The following CC2D2B variants were observed in gnomAD, a reference collection of about 807,000 sequenced individuals.
CC2D2B encodes the protein protein CC2D2B.
Under a neutral mutation model 161.2 loss-of-function variants are expected in CC2D2B, and 128 were observed. The ratio of observed to expected loss-of-function variants is 0.79; its 90% CI spans 0.69 to 0.92. CC2D2B has a LOEUF of 0.92. Ranked by LOEUF, CC2D2B falls within the 40% of genes least tolerant of loss-of-function variation. CC2D2B has a pLI of 0.00. For missense variants in CC2D2B, 1,173 were observed against 1,375.1 expected (o/e 0.85, Z 2.32); for synonymous variants, 391 against 449.8 (o/e 0.87, Z 1.65).
In CC2D2B at chr10:96,033,145, T is replaced by C. The variant is rs1275615327; in HGVS notation, c.*1137T>C. ...GATAAAAGAACATTCACCTCTCCCA[T>C]TGAAGAACCACTGAGGTTTCTTGGT... On this transcript the variant is annotated 3_prime_UTR_variant, in exon 35 of 35. Transcript: ENST00000646931. Among the ~76,000 whole-genome samples, 2 of 152,174 alleles carry C rather than the reference T, an allele frequency of 1.3e-5. No homozygotes were observed. Among genetic ancestry groups the C allele is most frequent in the East Asian group, 1.9e-4 (1 of 5,198 alleles).
At chr10:95,957,080 CA>C (rs1442300635) in intron 11 of CC2D2B, among the ~76,000 whole-genome samples, 1 of 152,092 alleles carries the variant, frequency 6.6e-6, no homozygotes. Flanking sequence ...AGCACAGTAG[CA>C]GCTATCCCCC....
chr10:96,021,550 G>A (rs1156762525), intron 32 of CC2D2B: 2 of 152,188 alleles, frequency 1.3e-5, no homozygotes, highest in Admixed American at 1.3e-4. Context: ...GAGAATCACT[G>A]GCCAAGAGTC....
At chr10:95,996,283 TA>T (rs1346332218) in intron 24 of CC2D2B, 31 bp downstream of exon 24, 5 of 929,822 alleles carry the variant, frequency 5.4e-6, no homozygotes, top group Admixed American at 2.6e-5. Context: ...CCATAGCTCC[TA>T]AAAAAAGAGC....
chr10:95,929,811 T>C (rs2098546477), intron 6 of CC2D2B, among the ~76,000 whole-genome samples: 1 of 152,246 alleles, frequency 6.6e-6, no homozygotes, highest in Non-Finnish European at 1.5e-5. Context: ...TGTAGTATAG[T>C]TTGAAGTCAG....
At chr10:96,009,497 A>G (rs552261147) in intron 25 of CC2D2B, among the ~76,000 whole-genome samples, 6 of 152,350 alleles carry the variant, frequency 3.9e-5, no homozygotes, top group African/African-American at 1.4e-4. Flanking sequence ...TACATAATAC[A>G]GTACCACTTC....
At chr10:95,908,420 A>C (rs528418908) in intron 1 of CC2D2B, among the ~76,000 whole-genome samples, 4 of 152,360 alleles carry the variant, frequency 2.6e-5, no homozygotes, top group African/African-American at 9.6e-5. Context: ...AAAAATTCGC[A>C]TTATGAACTA....
intron 2 of CC2D2B, among the ~76,000 whole-genome samples, chr10:95,915,893 GTA>G (rs1459908830): frequency 4.6e-5 from 7 of 152,086 alleles, no homozygotes; most frequent in African/African-American, 1.7e-4. Context: ...TCTGGTTTTA[GTA>G]TCAGGGTAAT....
chr10:95,974,118 G>C lies in CC2D2B; in HGVS notation c.1905G>C (p.Leu635=). ...GCTTAGATGAAAATGGTCTTCCTCTGATACCTATGCCACAATCATTAAGAT... is the reference window on the plus strand; with the variant it reads ...GCTTAGATGAAAATGGTCTTCCTCTCATACCTATGCCACAATCATTAAGAT... ...SWSLDENGLP[L]IPMPQSLRSS... Residue 635 remains leucine, a synonymous_variant, in exon 17 of 35, where the codon CTG becomes CTC. Transcript: ENST00000646931. The C allele has an allele frequency of 8.1e-7, 1 of 1,230,778 alleles. No homozygotes were observed. Among genetic ancestry groups the C allele is most frequent in the Non-Finnish European group, 1.0e-6 (1 of 986,794 alleles). The allele number at this position is 1,230,778 out of a possible 1,614,324, so 76.2% of individuals were successfully genotyped here.
Position 95,966,229 on chromosome 10 carries a change from A to G in CC2D2B, c.1393A>G (p.Arg465Gly). ...YLASDETEIE[R>G]IKPITLRPQL... Reference sequence around the variant, plus strand: ...AGCTTCAGACGAAACAGAAATTGAAAGAATAAAGCCAATTACCTTGAGGCC... The same window carrying G: ...AGCTTCAGACGAAACAGAAATTGAAGGAATAAAGCCAATTACCTTGAGGCC... Residue 465 changes from arginine (R) to glycine (G), a missense_variant, in exon 14 of 35, where the codon AGA (arginine) becomes GGA (glycine). Physicochemically the swap from Arg to Gly is moderately radical, Grantham distance 125 (BLOSUM62 -2). Around this residue, in one of 3 missense-constraint regions of CC2D2B, gnomAD observed 277 missense variants for 420.6 expected, o/e 0.66. Coordinates refer to ENST00000646931, the MANE Select transcript of CC2D2B (RefSeq NM_001349008.3). The G allele has an allele frequency of 8.1e-7, 1 of 1,228,072 alleles. No individual in the cohort carries two copies. The highest frequency in any genetic ancestry group is 1.0e-6 in the Non-Finnish European group (1 of 984,546). 76.1% of individuals were successfully genotyped at this position (1,228,072 alleles called of 1,614,324 possible). A position where few individuals can be genotyped will look rare whatever the true frequency, so the allele number is the denominator to read the frequency against.
chr10:95,982,602 T>G (rs1428859647), intron 18 of CC2D2B, among the ~76,000 whole-genome samples: 1 of 152,214 alleles, frequency 6.6e-6, no homozygotes, highest in Non-Finnish European at 1.5e-5. Context: ...ATAGCGGTTA[T>G]CTTATTCACC....
intron 9 of CC2D2B, among the ~76,000 whole-genome samples, chr10:95,943,449 G>A (rs944306197): frequency 1.3e-5 from 2 of 152,042 alleles, no homozygotes; most frequent in Non-Finnish European, 2.9e-5. Flanking sequence ...CTGTCTAGTT[G>A]CTCTGCCTCT....
intron 6 of CC2D2B, among the ~76,000 whole-genome samples, chr10:95,929,959 G>A (rs1450664238): frequency 6.6e-6 from 1 of 152,146 alleles, no homozygotes; most frequent in African/African-American, 2.4e-5. Flanking sequence ...GATGGGGATA[G>A]CATTGAATCT....
In CC2D2B at chr10:96,012,175, A is replaced by G. The variant is rs1384466732; in HGVS notation, c.3046-10A>G. 2 of 670,858 alleles carry G rather than the reference A, an allele frequency of 3.0e-6. No individual in the cohort carries two copies. Among genetic ancestry groups the G allele is most frequent in the Non-Finnish European group, 2.7e-6 (1 of 366,752 alleles). The allele number at this position is 670,858 out of a possible 1,614,324, so 41.6% of individuals were successfully genotyped here. A position where few individuals can be genotyped will look rare whatever the true frequency, so the allele number is the denominator to read the frequency against. Reference sequence around the variant, plus strand: ...CATGCATAATCCATTATACTGATATACTCTTTCAGATTAGTGGAACATTTC... The same window carrying G: ...CATGCATAATCCATTATACTGATATGCTCTTTCAGATTAGTGGAACATTTC... On this transcript the variant is annotated splice_polypyrimidine_tract_variant and intron_variant, in intron 26 of 34. Coordinates refer to ENST00000646931, the MANE Select transcript of CC2D2B (RefSeq NM_001349008.3).
chr10:95,945,526 A>G (rs1270606782), intron 9 of CC2D2B, among the ~76,000 whole-genome samples: 1 of 152,164 alleles, frequency 6.6e-6, no homozygotes, highest in Non-Finnish European at 1.5e-5. Flanking sequence ...CCATTTGACT[A>G]TGACCTTCCC....
intron 19 of CC2D2B, among the ~76,000 whole-genome samples, chr10:95,986,879 G>A (rs1461370946): frequency 6.6e-6 from 1 of 152,076 alleles, no homozygotes; most frequent in African/African-American, 2.4e-5. Context: ...TTACAGGCAT[G>A]AGCCACAGTG....
intron 9 of CC2D2B, among the ~76,000 whole-genome samples, chr10:95,947,071 G>A (rs2076221064): frequency 1.2e-5 from 1 of 83,306 alleles, no homozygotes; most frequent in African/African-American, 4.5e-5. Context: ...ATTCCAAATA[G>A]TGGACTCAAA....
intron 23 of CC2D2B, 48 bp downstream of exon 23, chr10:95,995,413 C>A: frequency 1.1e-6 from 1 of 949,780 alleles, no homozygotes; most frequent in Non-Finnish European, 1.5e-6. Context: ...TATGTTTGTT[C>A]TGAATTACAA....
chr10:95,978,939 G>A (rs2077412478), intron 17 of CC2D2B, among the ~76,000 whole-genome samples: 1 of 152,018 alleles, frequency 6.6e-6, no homozygotes. Context: ...GCATTTAAAA[G>A]TGAATTATTA....
intron 6 of CC2D2B, among the ~76,000 whole-genome samples, chr10:95,928,018 C>T (rs1309798573): frequency 1.3e-5 from 2 of 152,064 alleles, no homozygotes; most frequent in Admixed American, 6.6e-5. Context: ...TTCTTGAGCC[C>T]TCTGCTACCC....
Sources: gnomAD v4.1 joint callset for allele counts (sites outside exome capture counted in the v4.1 genomes callset) on GRCh38, gnomAD v4.1.1 for gene constraint, gnomAD v4.1.1 regional missense constraint, MANE v1.5 for transcripts, NCBI Gene and HGNC (gene_info 2026-07-23, HGNC 2026-07-21) for gene names.